ERC2: variants seen among roughly 807,000 people sequenced by gnomAD.
The protein encoded by ERC2 is ELKS/RAB6-interacting/CAST family member 2.
ERC2 carries 42 observed loss-of-function variants against 114.8 expected under a neutral mutation model. The observed-to-expected ratio is 0.37, with a 90% CI of 0.29 to 0.47. The LOEUF (loss-of-function observed/expected upper bound fraction) is 0.47, where lower values mean the gene tolerates loss of function less well. ERC2 is among the 20% of genes least tolerant of loss of function. The pLI is 0.99. For synonymous variants in ERC2, 454 were observed against 425.5 expected (o/e 1.07, Z -0.82); for missense variants, 939 against 1,150.7 (o/e 0.82, Z 2.66).
rs113031199 is a variant in ERC2, at chr3:55,908,775, C to T, written c.2404-20226G>A. ...TACACGTTGGGTTGCCATATCAGCTCCTGTGCTCTAGGTTCTGGGGAATGC... is the reference window on the plus strand; with the variant it reads ...TACACGTTGGGTTGCCATATCAGCTTCTGTGCTCTAGGTTCTGGGGAATGC... On this transcript the variant is annotated intron_variant, in intron 13 of 17. Coordinates refer to ENST00000288221, the MANE Select transcript of ERC2 (RefSeq NM_015576.3). 1.1e-4 allele frequency among the ~76,000 whole-genome samples: 17 copies of T among 152,236 alleles called. 1 individual carries two copies. The highest frequency in any genetic ancestry group is 4.1e-4 in the African/African-American group (17 of 41,554).
intron 2 of ERC2, among the ~76,000 whole-genome samples, chr3:56,362,630 A>G (rs2059002011): frequency 6.6e-6 from 1 of 152,190 alleles, no homozygotes; most frequent in African/African-American, 2.4e-5. Context: ...CTCCTGTTTT[A>G]TGGGTGTTTC....
chr3:56,448,007 T>C (rs1319073473), intron 1 of ERC2, among the ~76,000 whole-genome samples: 1 of 152,132 alleles, frequency 6.6e-6, no homozygotes, highest in African/African-American at 2.4e-5. Flanking sequence ...CCTCCCAAAG[T>C]GCTAGGATTA....
chr3:55,801,005 A>G (rs1311357900), intron 14 of ERC2, among the ~76,000 whole-genome samples: 1 of 152,202 alleles, frequency 6.6e-6, no homozygotes, highest in Non-Finnish European at 1.5e-5. Context: ...TGGGCCTAGA[A>G]GCAGTGACAT....
chr3:56,350,632 A>G (rs1431748881), intron 2 of ERC2, among the ~76,000 whole-genome samples: 1 of 152,212 alleles, frequency 6.6e-6, no homozygotes, highest in Non-Finnish European at 1.5e-5. Flanking sequence ...AAAGAAATGA[A>G]GAAGAGTCCA....
intron 13 of ERC2, among the ~76,000 whole-genome samples, chr3:55,912,873 C>T (rs73075381): frequency 6.6e-6 from 1 of 152,126 alleles, no homozygotes; most frequent in Non-Finnish European, 1.5e-5. Context: ...AAACCCAGGA[C>T]CCAGAGGAAC....
chr3:56,252,757 C>CAAAA (rs71099628), intron 3 of ERC2, among the ~76,000 whole-genome samples: 1 of 74,166 alleles, frequency 1.3e-5, no homozygotes. Context: ...AACTCTGTCT[C>CAAAA]AAAAAAAAAA....
intron 10 of ERC2, 78 bp downstream of exon 10, chr3:56,007,103 T>A: frequency 7.4e-7 from 1 of 1,358,650 alleles, no homozygotes; most frequent in Non-Finnish European, 9.9e-7. Context: ...TTGTTTCTTT[T>A]TAAAAACGTC....
chr3:55,624,473 C>T (rs774002034), intron 17 of ERC2, among the ~76,000 whole-genome samples: 3 of 152,132 alleles, frequency 2.0e-5, no homozygotes, highest in Non-Finnish European at 2.9e-5. Context: ...GTCAGGGAAA[C>T]CACCCCAGAC....
intron 1 of ERC2, among the ~76,000 whole-genome samples, chr3:56,454,858 CAGAAAAAA>C (rs1156602969): frequency 9.2e-5 from 2 of 21,640 alleles, no homozygotes; most frequent in African/African-American, 3.7e-4. Context: ...GACTCTGTCT[CAGAAAAAA>C]AAAAAAAAAA....
chr3:55,918,927 T>C (rs1225484142), intron 13 of ERC2, among the ~76,000 whole-genome samples: 1 of 151,906 alleles, frequency 6.6e-6, no homozygotes, highest in Non-Finnish European at 1.5e-5. Context: ...AGATTCCTGA[T>C]ATAAACAAGA....
chr3:55,769,736 C>G (rs2068061870), intron 14 of ERC2, among the ~76,000 whole-genome samples: 1 of 152,060 alleles, frequency 6.6e-6, no homozygotes, highest in African/African-American at 2.4e-5. Flanking sequence ...GGTATTCATC[C>G]ACAAGCCACA....
intron 13 of ERC2, among the ~76,000 whole-genome samples, chr3:55,928,684 A>G (rs1277537855): frequency 6.6e-6 from 1 of 152,216 alleles, no homozygotes; most frequent in Non-Finnish European, 1.5e-5. Flanking sequence ...ATCTTTGCCC[A>G]GTCCAATGTC....
intron 13 of ERC2, among the ~76,000 whole-genome samples, chr3:55,947,398 A>T (rs2067194315): frequency 6.6e-6 from 1 of 151,810 alleles, no homozygotes; most frequent in South Asian, 2.1e-4. Context: ...TCAGTTCTCC[A>T]CCTCTCCTCG....
chr3:56,429,738 G>A (rs2061713741), intron 2 of ERC2, among the ~76,000 whole-genome samples: 1 of 152,222 alleles, frequency 6.6e-6, no homozygotes, highest in Non-Finnish European at 1.5e-5. Flanking sequence ...AGTGGGAATG[G>A]AGGAAGGGGT....
At chr3:55,879,870 C>G (rs1002791461) in intron 14 of ERC2, among the ~76,000 whole-genome samples, 1 of 152,126 alleles carries the variant, frequency 6.6e-6, no homozygotes, top group Non-Finnish European at 1.5e-5. Context: ...AAAACCCTGG[C>G]CAGTGGGCCC....
intron 2 of ERC2, among the ~76,000 whole-genome samples, chr3:56,357,477 C>T (rs971211874): frequency 5.3e-5 from 8 of 152,192 alleles, no homozygotes; most frequent in Middle Eastern, 3.4e-3. Flanking sequence ...TGCATAGGCC[C>T]AGGCTGACTA....
At chr3:55,615,665 A>C (rs575709221) in intron 17 of ERC2, among the ~76,000 whole-genome samples, 1 of 152,266 alleles carries the variant, frequency 6.6e-6, no homozygotes, top group Admixed American at 6.5e-5. Context: ...TCATTTGTAC[A>C]TAACACAGGT....
chr3:55,883,921 A>C lies in ERC2; in HGVS notation c.2564+4468T>G, dbSNP rs6798277. On this transcript the variant is annotated intron_variant, in intron 14 of 17. Transcript: ENST00000288221. ...AACAACAACAACAACAACAACAACA[A>C]CAACAACACCACAAAACTGGAGAAA... 1.5e-3 allele frequency among the ~76,000 whole-genome samples: 190 copies of C among 129,036 alleles called. 1 individual carries two copies. Among genetic ancestry groups the C allele is most frequent in the African/African-American group, 4.3e-3 (141 of 32,796 alleles). The allele number at this position is 129,036 out of a possible 152,430, so 84.7% of individuals were successfully genotyped here.
intron 15 of ERC2, among the ~76,000 whole-genome samples, chr3:55,730,697 C>T (rs1047040087): frequency 4.6e-5 from 7 of 152,140 alleles, no homozygotes; most frequent in African/African-American, 1.7e-4. Flanking sequence ...GTAGTGAAAC[C>T]CCATTTCTAC....
Sources: gnomAD v4.1 joint callset for allele counts (sites outside exome capture counted in the v4.1 genomes callset) on GRCh38, gnomAD v4.1.1 for gene constraint, MANE v1.5 for transcripts, NCBI Gene and HGNC (gene_info 2026-07-23, HGNC 2026-07-21) for gene names.